Variants in ABAT observed in about 807,000 individuals in gnomAD.
ABAT encodes the protein 4-aminobutyrate aminotransferase.
A neutral mutation model predicts 64.6 loss-of-function variants in ABAT; 45 were observed. That is an observed-to-expected ratio of 0.70 (90% confidence interval 0.55 to 0.89). The LOEUF (loss-of-function observed/expected upper bound fraction) is 0.89, where lower values mean the gene tolerates loss of function less well. Among genes scored for constraint, ABAT ranks in the 40% least tolerant of loss-of-function variants. The pLI, the probability that ABAT is intolerant of heterozygous loss-of-function variation, is 0.00. For missense variants in ABAT, 633 were observed against 658.4 expected, an observed-to-expected ratio of 0.96 and a Z score of 0.42; for synonymous variants, 297 against 250.5, an observed-to-expected ratio of 1.19 and a Z score of -1.75.
intron 11 of ABAT, 91 bp downstream of exon 11, chr16:8,769,064 G>T (rs2060027150): frequency 1.9e-6 from 3 of 1,555,264 alleles, no homozygotes; most frequent in Admixed American, 1.7e-5. Flanking sequence ...CAGATGAAGG[G>T]TTTATCTGGG....
At position 8,779,548 on chromosome 16, in the gene ABAT, G is replaced by A; in HGVS notation, c.1339G>A (p.Asp447Asn). The change falls in exon 15 of 16, where the codon GAT becomes AAT. Residue 447 changes from aspartate to asparagine, a missense_variant. By Grantham distance (23) the Asp-to-Asn change is conservative (BLOSUM62 1). Transcript: ENST00000268251. The stretch of plus-strand genomic sequence containing the variant: ...CTTTTGCTCCTTCGATACTCCCGAT[G>A]ATTCCATACGGAATAAGCTCATTTT... ...GTFCSFDTPDDSIRNKLILIA... is the reference protein window; with the variant it reads ...GTFCSFDTPDNSIRNKLILIA... 6.2e-7 allele frequency: 1 copy of A among 1,614,202 alleles called. No individual in the cohort carries two copies. The highest frequency in any genetic ancestry group is 8.5e-7 in the Non-Finnish European group (1 of 1,180,040).
In ABAT at chr16:8,776,911, A is replaced by AT. The variant is rs1174056943; in HGVS notation, c.1269+427dup. 1.3e-5 allele frequency among the ~76,000 whole-genome samples: 2 copies of AT among 150,530 alleles called. No homozygotes were observed. The highest frequency in any genetic ancestry group is 2.4e-5 in the African/African-American group (1 of 40,830). On this transcript the variant is annotated intron_variant, in intron 14 of 15. Coordinates refer to ENST00000268251, the MANE Select transcript of ABAT (RefSeq NM_020686.6). This position sits in a 1 kb window ranked among gnomAD's most constrained non-coding sequence, Gnocchi z 4.4. ...TTTATTTTATTTTATTTGTCTATTT[A>AT]TTTTTTGAGACCAAGTCTTGCTTTG... is the stretch of plus-strand genomic sequence containing the variant.
intron 1 of ABAT, among the ~76,000 whole-genome samples, chr16:8,724,590 G>A (rs977540918): frequency 6.6e-6 from 1 of 152,038 alleles, no homozygotes; most frequent in Non-Finnish European, 1.5e-5. Context: ...ACAAAGATTA[G>A]CCAGGTGTGG....
rs2060487263 is a variant in ABAT, at chr16:8,783,642, G to A, written c.*2212G>A. 1 of 152,182 alleles carries A rather than the reference G, an allele frequency of 6.6e-6. No individual in the cohort carries two copies. The highest frequency in any genetic ancestry group is 2.4e-5 in the African/African-American group (1 of 41,432). 9.4% of individuals were successfully genotyped at this position (152,182 alleles called of 1,614,324 possible). On this transcript the variant is annotated 3_prime_UTR_variant, in exon 16 of 16. Transcript: ENST00000268251. ...GCCTTATTTAACAAGCAAGCAAAAT[G>A]CAAACCAAACCATTATTCATTTATT...
chr16:8,775,035 A>G lies in ABAT; in HGVS notation c.1100A>G (p.Lys367Arg). The G allele has an allele frequency of 6.2e-7, 1 of 1,614,212 alleles. No homozygotes were observed. The highest frequency in any genetic ancestry group is 8.5e-7 in the Non-Finnish European group (1 of 1,180,044). Reference sequence around the variant, plus strand: ...ATGATGACTGGGGGCTTCTTCCACAAGGAGGAGTTCAGGCCTAATGCTGTG... The same window carrying G: ...ATGATGACTGGGGGCTTCTTCCACAGGGAGGAGTTCAGGCCTAATGCTGTG... ...KKMMTGGFFH[K>R]EEFRPNAPYR... The change falls in exon 13 of 16, where the codon AAG becomes AGG. Residue 367 changes from lysine (K) to arginine (R), a missense_variant. Lys to Arg is a conservative substitution (Grantham distance 26, BLOSUM62 2). Transcript: ENST00000268251.
intron 1 of ABAT, among the ~76,000 whole-genome samples, chr16:8,687,317 G>A (rs182504376): frequency 6.6e-6 from 1 of 152,250 alleles, no homozygotes; most frequent in African/African-American, 2.4e-5. Flanking sequence ...GAGGTCAGGA[G>A]ATGGAGACCA....
intron 1 of ABAT, among the ~76,000 whole-genome samples, chr16:8,675,527 T>C (rs2057177877): frequency 6.6e-6 from 1 of 152,096 alleles, no homozygotes; most frequent in East Asian, 1.9e-4. Flanking sequence ...CCCATCCTTC[T>C]CCACCTCACC....
At chr16:8,722,779 A>G in intron 1 of ABAT, 1 of 1,284,478 alleles carries the variant, frequency 7.8e-7, no homozygotes, top group Non-Finnish European at 1.0e-6. Context: ...GCGCCCATCC[A>G]GGGTCTAGCG....
chr16:8,764,166 C>T lies in ABAT; in HGVS notation c.447+17C>T, dbSNP rs376401008. The T allele has an allele frequency of 3.6e-5, 58 of 1,607,408 alleles. No homozygotes were observed. The African/African-American group carries it at 7.3e-4, about 20-fold the overall frequency. On this transcript the variant is annotated intron_variant, in intron 7 of 15. Transcript: ENST00000268251. The surrounding 1 kb of genome is among the most constrained non-coding windows in gnomAD (Gnocchi z 4.2). The stretch of plus-strand genomic sequence containing the variant: ...TTGCTCTCGGTGAGTTCTGGAGAAG[C>T]AATCCCATTGTCTTCAGACGTGGTA...
In ABAT at chr16:8,768,879, TTGAC is replaced by T. The variant is rs1407674634; in HGVS notation, c.725_728del (p.Asp242GlyfsTer9). On this transcript the variant is annotated frameshift_variant, in exon 11 of 16. Coordinates refer to ENST00000268251, the MANE Select transcript of ABAT (RefSeq NM_020686.6). LOFTEE classifies it high-confidence loss of function. ...ATTCACAAGATCGACATCCCTTCCT[TTGAC>T]TGGCCCATCGCACCGTTCCCACGGC... The T allele has an allele frequency of 1.9e-6, 3 of 1,614,194 alleles. No homozygotes were observed. Among genetic ancestry groups the T allele is most frequent in the Non-Finnish European group, 1.7e-6 (2 of 1,180,036 alleles).
chr16:8,719,046 G>T (rs554448665), intron 1 of ABAT, among the ~76,000 whole-genome samples: 32 of 152,274 alleles, frequency 2.1e-4, no homozygotes, highest in Non-Finnish European at 2.9e-4. Context: ...TCTCTGAACG[G>T]GAAGTGCGTT....
chr16:8,686,259 T>C (rs1209876318), intron 1 of ABAT, among the ~76,000 whole-genome samples: 1 of 152,230 alleles, frequency 6.6e-6, no homozygotes, highest in Non-Finnish European at 1.5e-5. Context: ...TGCAAATGAA[T>C]GCCTGCATGC....
chr16:8,704,401 C>G (rs921936389), intron 1 of ABAT, among the ~76,000 whole-genome samples: 1 of 152,346 alleles, frequency 6.6e-6, no homozygotes, highest in Middle Eastern at 3.4e-3. Flanking sequence ...CTCTCATGCC[C>G]TGGTGAAGTA....
chr16:8,721,961 C>A (rs776080110), intron 1 of ABAT, among the ~76,000 whole-genome samples: 3 of 152,350 alleles, frequency 2.0e-5, no homozygotes, highest in African/African-American at 4.8e-5. Flanking sequence ...AGGAATAGAA[C>A]TTACTTCAGG....
At position 8,782,829 on chromosome 16, in the gene ABAT, A is replaced by G. The variant is rs976047400; in HGVS notation, c.*1399A>G. Reference sequence around the variant, plus strand: ...TATCTGTCCAAAAGGAAGCCTCTTCATCTCCCGGTGCCTTGGTTGACTATT... The same window carrying G: ...TATCTGTCCAAAAGGAAGCCTCTTCGTCTCCCGGTGCCTTGGTTGACTATT... On this transcript the variant is annotated 3_prime_UTR_variant, in exon 16 of 16. Coordinates refer to ENST00000268251, the MANE Select transcript of ABAT (RefSeq NM_020686.6). The G allele has an allele frequency of 1.3e-5, 2 of 152,142 alleles. No homozygotes were observed. Among genetic ancestry groups the G allele is most frequent in the Admixed American group, 6.5e-5 (1 of 15,280 alleles). The allele number at this position is 152,142 out of a possible 1,614,324, so 9.4% of individuals were successfully genotyped here.
chr16:8,744,973 G>T (rs932445021), intron 2 of ABAT, among the ~76,000 whole-genome samples: 1 of 152,192 alleles, frequency 6.6e-6, no homozygotes, highest in Admixed American at 6.5e-5. Context: ...TGGACATGTA[G>T]GTTGTTTTCC....
chr16:8,783,737 A>C lies in ABAT; in HGVS notation c.*2307A>C, dbSNP rs1419222089. On this transcript the variant is annotated 3_prime_UTR_variant, in exon 16 of 16. Transcript: ENST00000268251. ...ATATTCAGTATGGTTCTCGGAGTCC[A>C]AAGGGTTTTAAGCCAGGGCACAACC... 1 of 152,240 alleles carries C rather than the reference A, an allele frequency of 6.6e-6. No individual in the cohort carries two copies. The highest frequency in any genetic ancestry group is 1.5e-5 in the Non-Finnish European group (1 of 68,038). 9.4% of individuals were successfully genotyped at this position (152,240 alleles called of 1,614,324 possible).
intron 2 of ABAT, among the ~76,000 whole-genome samples, chr16:8,742,696 C>G (rs1473145574): frequency 6.6e-6 from 1 of 151,910 alleles, no homozygotes; most frequent in African/African-American, 2.4e-5. Context: ...AAAACCCCTT[C>G]TCTGCCAAAA....
Position 8,776,610 on chromosome 16 carries a change from C to G in ABAT, c.1269+120C>G, listed in dbSNP as rs2060271589. 2 of 1,093,484 alleles carry G rather than the reference C, an allele frequency of 1.8e-6. No individual in the cohort carries two copies. Among genetic ancestry groups the G allele is most frequent in the South Asian group, 2.7e-5 (2 of 73,266 alleles). 67.7% of individuals were successfully genotyped at this position (1,093,484 alleles called of 1,614,324 possible). A position where few individuals can be genotyped will look rare whatever the true frequency, so the allele number is the denominator to read the frequency against. ...TGCTGTTCCAGCAGTTCGTAACGGG[C>G]TGTGCTGCTCCTAGCCTTGGGGGCT... On this transcript the variant is annotated intron_variant, in intron 14 of 15. Transcript: ENST00000268251. The surrounding 1 kb of genome is among the most constrained non-coding windows in gnomAD (Gnocchi z 4.4).
Sources: gnomAD v4.1 joint callset for allele counts (sites outside exome capture counted in the v4.1 genomes callset) on GRCh38, gnomAD v4.1.1 for gene constraint, Gnocchi (gnomAD v3.1) non-coding constraint, MANE v1.5 for transcripts, NCBI Gene and HGNC (gene_info 2026-07-23, HGNC 2026-07-21) for gene names.